The following CLIP1 variants were observed in gnomAD, a reference collection of about 807,000 sequenced individuals.
CLIP1 encodes CAP-Gly domain-containing linker protein 1.
Under a neutral mutation model 161.6 loss-of-function variants are expected in CLIP1, and 66 were observed. The observed-to-expected ratio is 0.41, with a 90% CI of 0.33 to 0.50. The LOEUF is 0.50. Among genes scored for constraint, CLIP1 ranks in the 20% least tolerant of loss-of-function variants. The pLI, the probability that CLIP1 is intolerant of heterozygous loss-of-function variation, is 0.27. For missense variants in CLIP1, 1,376 were observed against 1,702.0 expected, an observed-to-expected ratio of 0.81 and a Z score of 3.37; for synonymous variants, 598 against 626.2, an observed-to-expected ratio of 0.96 and a Z score of 0.67.
chr12:122,300,353 AG>A (rs570918907), intron 20 of CLIP1, among the ~76,000 whole-genome samples: 1 of 152,130 alleles, frequency 6.6e-6, no homozygotes, highest in South Asian at 2.1e-4. Flanking sequence ...AAGGACAGAG[AG>A]GGGGAAAAAA....
chr12:122,370,070 C>T (rs1411525682), intron 3 of CLIP1, among the ~76,000 whole-genome samples: 1 of 150,742 alleles, frequency 6.6e-6, no homozygotes, highest in African/African-American at 2.4e-5. Flanking sequence ...GGCTGGGGCG[C>T]GACAATTGCT....
chr12:122,312,574 G>A (rs1179447928), intron 19 of CLIP1, among the ~76,000 whole-genome samples: 6 of 152,134 alleles, frequency 3.9e-5, no homozygotes, highest in African/African-American at 1.4e-4. Context: ...GACCAGCCTG[G>A]CCAACATGGC....
At chr12:122,412,888 T>C (rs547218667) in intron 1 of CLIP1, among the ~76,000 whole-genome samples, 1 of 152,156 alleles carries the variant, frequency 6.6e-6, no homozygotes, top group South Asian at 2.1e-4. Context: ...AAAAAAAACT[T>C]CACTGGAAAA....
chr12:122,360,569 A>G (rs1267808238), intron 5 of CLIP1, among the ~76,000 whole-genome samples: 1 of 152,100 alleles, frequency 6.6e-6, no homozygotes, highest in East Asian at 1.9e-4. Flanking sequence ...AAATAAAAAA[A>G]AGAGAGAGAG....
rs987367473 is a variant in CLIP1, at chr12:122,311,077, T to A, written c.3474-1195A>T. Among the ~76,000 whole-genome samples the A allele has an allele frequency of 4.6e-5, 7 of 152,182 alleles. No homozygotes were observed. The highest frequency in any genetic ancestry group is 1.0e-4 in the Non-Finnish European group (7 of 68,030). On this transcript the variant is annotated intron_variant, in intron 19 of 25. Transcript: ENST00000620786. The surrounding 1 kb of genome is among the most constrained non-coding windows in gnomAD (Gnocchi z 4.3). ...CTCAGCTAGTCACTCACAAAAGAGATGCATATATATGAATCTCTCTCTATA... is the reference window on the plus strand; with the variant it reads ...CTCAGCTAGTCACTCACAAAAGAGAAGCATATATATGAATCTCTCTCTATA...
chr12:122,390,172 G>GAGAT (rs1555280493), intron 1 of CLIP1, among the ~76,000 whole-genome samples: 1 of 93,536 alleles, frequency 1.1e-5, no homozygotes, highest in Non-Finnish European at 2.2e-5. Context: ...CACAGTCTCA[G>GAGAT]ATATATATAT....
intron 19 of CLIP1, among the ~76,000 whole-genome samples, chr12:122,312,779 C>A (rs1454859719): frequency 1.3e-5 from 2 of 152,026 alleles, no homozygotes; most frequent in Non-Finnish European, 2.9e-5. Flanking sequence ...AAATAAGAAA[C>A]CCTGTGTCTA....
At chr12:122,316,579 T>A (rs1951282153) in intron 19 of CLIP1, among the ~76,000 whole-genome samples, 170 bp downstream of exon 19, 1 of 152,162 alleles carries the variant, frequency 6.6e-6, no homozygotes, top group East Asian at 1.9e-4. Context: ...TTAACTTAGC[T>A]GTGGCTCTGA....
chr12:122,280,260 G>C (rs1955595060), intron 21 of CLIP1: 1 of 152,080 alleles, frequency 6.6e-6, no homozygotes, highest in African/African-American at 2.4e-5. Context: ...TTTTAGTAGA[G>C]ATGGGGTTTC....
chr12:122,330,867 C>G (rs1307184378), intron 15 of CLIP1, among the ~76,000 whole-genome samples: 1 of 151,974 alleles, frequency 6.6e-6, no homozygotes, highest in African/African-American at 2.4e-5. Flanking sequence ...TCCCAAAGTG[C>G]TGGCATGACA....
At chr12:122,418,956 C>T (rs1156693080) in intron 1 of CLIP1, among the ~76,000 whole-genome samples, 1 of 152,126 alleles carries the variant, frequency 6.6e-6, no homozygotes, top group Non-Finnish European at 1.5e-5. Flanking sequence ...ACAAAATTCT[C>T]TTGTAATGTT....
chr12:122,316,786 C>T lies in CLIP1; in HGVS notation c.3436G>A (p.Val1146Ile), dbSNP rs748125127. Residue 1146 changes from valine (V) to isoleucine (I), a missense_variant, in exon 19 of 26, where the codon GTA (valine) becomes ATA (isoleucine). Val to Ile is a conservative substitution (Grantham distance 29). Transcript: ENST00000620786. The stretch of plus-strand genomic sequence containing the variant: ...AATTCTTCCATTTTTTGATTCTCTA[C>T]AGTCAGGAGTTCTTTTGATTTGTTC... ...ELNKSKELLT[V>I]ENQKMEEFRK... The T allele has an allele frequency of 3.8e-6, 6 of 1,589,586 alleles. No individual in the cohort carries two copies. In the East Asian group the frequency reaches 9.0e-5, roughly 24 times the overall value.
intron 1 of CLIP1, among the ~76,000 whole-genome samples, chr12:122,411,631 G>A (rs1383880093): frequency 4.6e-5 from 7 of 152,182 alleles, no homozygotes; most frequent in African/African-American, 1.7e-4. Context: ...TATGTTAAGC[G>A]AAGGAAGCCA....
intron 3 of CLIP1, among the ~76,000 whole-genome samples, chr12:122,369,887 G>A (rs778732318): frequency 2.6e-5 from 4 of 151,796 alleles, no homozygotes; most frequent in Non-Finnish European, 4.4e-5. Context: ...AGGGGGCCAG[G>A]CATGGTGGCT....
chr12:122,332,959 C>T (rs1952051112), intron 15 of CLIP1, 28 bp downstream of exon 15: 8 of 1,598,732 alleles, frequency 5.0e-6, no homozygotes, highest in Non-Finnish European at 6.8e-6. Flanking sequence ...AACCTAAGGT[C>T]AGCACTCTTT....
chr12:122,322,384 C>T (rs1357532865), intron 17 of CLIP1: 1 of 152,614 alleles, frequency 6.6e-6, no homozygotes, highest in Non-Finnish European at 1.5e-5. Flanking sequence ...CTTTTTCGGC[C>T]AGGGTCACCT....
chr12:122,333,108 C>T lies in CLIP1; in HGVS notation c.2746G>A (p.Glu916Lys). 6.2e-7 allele frequency: 1 copy of T among 1,613,106 alleles called. No individual in the cohort carries two copies. Among genetic ancestry groups the T allele is most frequent in the Non-Finnish European group, 8.5e-7 (1 of 1,179,460 alleles). The part of the protein sequence containing the change: ...EAKFREKDER[E>K]EQLIKAKEKL... ...TCCTTTGCCTTTATCAGCTGCTCTT[C>T]TCTCTCATCTTTCTCTCTAAATTTT... The change falls in exon 15 of 26, where the codon GAA (glutamate) becomes AAA (lysine). Residue 916 changes from glutamate (E) to lysine (K), a missense_variant. Physicochemically the swap from Glu to Lys is moderately conservative, Grantham distance 56 (BLOSUM62 1). This residue lies in a region of CLIP1 where 948 missense variants were observed against 1,134.8 expected (regional missense o/e 0.84). Transcript: ENST00000620786.
chr12:122,391,918 T>G (rs1184127191), intron 1 of CLIP1, among the ~76,000 whole-genome samples: 1 of 152,208 alleles, frequency 6.6e-6, no homozygotes, highest in Admixed American at 6.5e-5. Flanking sequence ...GCTCCTCATT[T>G]TCCTCTCAGA....
intron 1 of CLIP1, among the ~76,000 whole-genome samples, chr12:122,415,469 G>A (rs1217780576): frequency 7.4e-6 from 1 of 135,118 alleles, no homozygotes; most frequent in East Asian, 2.1e-4. Context: ...GCGACAGAGT[G>A]AGACTCCATC....
Sources: gnomAD v4.1 joint callset for allele counts (sites outside exome capture counted in the v4.1 genomes callset) on GRCh38, gnomAD v4.1.1 for gene constraint, gnomAD v4.1.1 regional missense constraint, Gnocchi (gnomAD v3.1) non-coding constraint, MANE v1.5 for transcripts, NCBI Gene and HGNC (gene_info 2026-07-23, HGNC 2026-07-21) for gene names.